The following DPY19L3 variants were observed in gnomAD, a reference collection of about 807,000 sequenced individuals.
The protein encoded by DPY19L3 is dpy-19 like C-mannosyltransferase 3.
Under a neutral mutation model 92.3 loss-of-function variants are expected in DPY19L3, and 51 were observed. That is an observed-to-expected ratio of 0.55 (90% CI 0.44 to 0.70). The LOEUF (loss-of-function observed/expected upper bound fraction) is 0.70, where lower values mean the gene tolerates loss of function less well. Among genes scored for constraint, DPY19L3 ranks in the 30% least tolerant of loss-of-function variants. DPY19L3 has a pLI of 0.00. For missense variants in DPY19L3, 706 were observed against 855.9 expected, an observed-to-expected ratio of 0.82 and a Z score of 2.18; for synonymous variants, 309 against 315.2, an observed-to-expected ratio of 0.98 and a Z score of 0.21.
In DPY19L3 at chr19:32,480,435, G is replaced by A. The variant is rs1970637290; in HGVS notation, c.1867G>A (p.Val623Met). ...QIYAKRAPEE[V>M]HALLRSFGTD... ...ATATGCCAAGAGGGCACCAGAGGAAGTGCATGCCCTCCTAAGGTCCTTCGG... is the reference window on the plus strand; with the variant it reads ...ATATGCCAAGAGGGCACCAGAGGAAATGCATGCCCTCCTAAGGTCCTTCGG... The change falls in exon 18 of 19, where the codon GTG becomes ATG. Residue 623 changes from valine (V) to methionine (M), a missense_variant. Val to Met is a conservative substitution (Grantham distance 21, BLOSUM62 1). Transcript: ENST00000392250. The A allele has an allele frequency of 1.2e-6, 2 of 1,613,798 alleles. No homozygotes were observed. Among genetic ancestry groups the A allele is most frequent in the Non-Finnish European group, 8.5e-7 (1 of 1,179,928 alleles).
At chr19:32,431,513 CT>C (rs1421413598) in intron 3 of DPY19L3, among the ~76,000 whole-genome samples, 1 of 152,038 alleles carries the variant, frequency 6.6e-6, no homozygotes, top group Admixed American at 6.5e-5. Flanking sequence ...TTTATTTATA[CT>C]TTTACAGGTA....
chr19:32,433,238 A>G (rs1300639640), intron 4 of DPY19L3, among the ~76,000 whole-genome samples: 2 of 152,070 alleles, frequency 1.3e-5, no homozygotes, highest in Non-Finnish European at 2.9e-5. Flanking sequence ...ACTTCCCCTA[A>G]GTGGGTTAGA....
intron 16 of DPY19L3, among the ~76,000 whole-genome samples, chr19:32,469,762 A>C (rs1324531894): frequency 6.6e-6 from 1 of 152,180 alleles, no homozygotes; most frequent in Non-Finnish European, 1.5e-5. Flanking sequence ...CATCAGAATG[A>C]AATTTGTGTA....
intron 4 of DPY19L3, among the ~76,000 whole-genome samples, chr19:32,435,918 C>T (rs1239896513): frequency 3.3e-5 from 5 of 152,210 alleles, no homozygotes; most frequent in Non-Finnish European, 5.9e-5. Flanking sequence ...CCAACATCTG[C>T]GCATTCAAGC....
chr19:32,419,206 G>A (rs1275861921), intron 3 of DPY19L3, among the ~76,000 whole-genome samples: 2 of 150,652 alleles, frequency 1.3e-5, no homozygotes, highest in African/African-American at 4.9e-5. Flanking sequence ...TGTCGCCCAG[G>A]CTGGAGTGCA....
intron 8 of DPY19L3, among the ~76,000 whole-genome samples, chr19:32,447,816 T>TAGATTATA (rs1555721982): frequency 1.1e-5 from 1 of 89,834 alleles, no homozygotes; most frequent in African/African-American, 4.7e-5. Flanking sequence ...GATAGATAGA[T>TAGATTATA]TAGATAGATA....
intron 8 of DPY19L3, among the ~76,000 whole-genome samples, chr19:32,445,440 C>CAAAA (rs71336904): frequency 0.011 from 483 of 42,794 alleles, 83 homozygotes; most frequent in South Asian, 0.018. Flanking sequence ...GACTTCATCT[C>CAAAA]AAAAAAAAAA....
At chr19:32,465,603 G>A (rs1970177261) in intron 15 of DPY19L3, among the ~76,000 whole-genome samples, 2 of 152,182 alleles carry the variant, frequency 1.3e-5, no homozygotes, top group East Asian at 3.8e-4. Context: ...AAGCAGGGGT[G>A]ATGGGACCTC....
chr19:32,463,689 C>G (rs530237353), intron 13 of DPY19L3, among the ~76,000 whole-genome samples, 180 bp from the exon 14 acceptor site: 98 of 152,280 alleles, frequency 6.4e-4, no homozygotes, highest in African/African-American at 2.3e-3. Flanking sequence ...ATGTTTTACT[C>G]AAAGCATAGT....
At chr19:32,481,737 G>A (rs563814603) in intron 18 of DPY19L3, 1 of 174,216 alleles carries the variant, frequency 5.7e-6, no homozygotes, top group East Asian at 1.6e-4. Context: ...TTTCTGATGA[G>A]TTAGAGAGCT....
chr19:32,416,926 A>T (rs1327121579), intron 3 of DPY19L3, among the ~76,000 whole-genome samples: 1 of 152,212 alleles, frequency 6.6e-6, no homozygotes, highest in Non-Finnish European at 1.5e-5. Context: ...CTCTCAGGCC[A>T]CATGGTTGAG....
intron 16 of DPY19L3, among the ~76,000 whole-genome samples, chr19:32,470,441 T>G (rs1489139414): frequency 6.6e-6 from 1 of 152,180 alleles, no homozygotes; most frequent in Non-Finnish European, 1.5e-5. Flanking sequence ...GTGGTGGGTC[T>G]TCCGGATCTC....
At chr19:32,473,742 G>C (rs1199731300) in intron 16 of DPY19L3, among the ~76,000 whole-genome samples, 1 of 152,208 alleles carries the variant, frequency 6.6e-6, no homozygotes, top group Non-Finnish European at 1.5e-5. Context: ...ATGGCATGGA[G>C]GGAAGAAGCA....
intron 8 of DPY19L3, among the ~76,000 whole-genome samples, chr19:32,441,971 G>A (rs189094636): frequency 1.3e-5 from 2 of 152,230 alleles, no homozygotes; most frequent in Admixed American, 6.5e-5. Flanking sequence ...ACTTTAAGGA[G>A]GAACATTATT....
intron 2 of DPY19L3, among the ~76,000 whole-genome samples, chr19:32,408,782 A>C (rs781243681): frequency 2.0e-5 from 3 of 151,486 alleles, no homozygotes; most frequent in South Asian, 2.1e-4. Context: ...CAAATTCCTG[A>C]AGTTTTCTTT....
intron 16 of DPY19L3, among the ~76,000 whole-genome samples, chr19:32,471,171 A>G (rs1318000956): frequency 3.9e-5 from 6 of 152,180 alleles, no homozygotes; most frequent in African/African-American, 1.4e-4. Flanking sequence ...TATCCATGTT[A>G]TTAGCAAGTA....
intron 10 of DPY19L3, among the ~76,000 whole-genome samples, chr19:32,457,139 G>A (rs761128355): frequency 5.3e-5 from 8 of 152,128 alleles, no homozygotes; most frequent in Non-Finnish European, 1.2e-4. Context: ...TGCATCCCTG[G>A]ACCACCATTT....
intron 3 of DPY19L3, among the ~76,000 whole-genome samples, chr19:32,423,172 A>C (rs16967057): frequency 0.19 from 28,677 of 152,126 alleles, 2,813 homozygotes; most frequent in African/African-American, 0.24. Context: ...AATTAGTGAT[A>C]GAACAAAATG....
intron 3 of DPY19L3, among the ~76,000 whole-genome samples, chr19:32,418,272 A>G (rs985692893): frequency 6.6e-6 from 1 of 152,212 alleles, no homozygotes. Flanking sequence ...GTTGTCTCCT[A>G]TATCACAAGA....
Sources: allele counts gnomAD v4.1 joint callset (sites outside exome capture counted in the v4.1 genomes callset), GRCh38; gene constraint gnomAD v4.1.1; transcripts MANE v1.5; gene names NCBI Gene and HGNC (gene_info 2026-07-23, HGNC 2026-07-21).